Variants in KSR1 observed in about 807,000 individuals in gnomAD.
KSR1 encodes kinase suppressor of ras 1.
In KSR1, 35 loss-of-function variants were observed where a neutral mutation model predicts 92.9. That is an observed-to-expected ratio of 0.38 (90% CI 0.29 to 0.50). KSR1 has a LOEUF of 0.50. KSR1 is among the 20% of genes least tolerant of loss of function. The probability of loss-of-function intolerance (pLI) is 0.94; values close to 1 mark genes in which losing one functional copy is unlikely to be tolerated. For missense variants in KSR1, 972 were observed against 1,158.5 expected, an observed-to-expected ratio of 0.84 and a Z score of 2.34; for synonymous variants, 467 against 472.6, an observed-to-expected ratio of 0.99 and a Z score of 0.15.
intron 1 of KSR1, among the ~76,000 whole-genome samples, chr17:27,470,571 T>G (rs923591133): frequency 2.6e-5 from 4 of 152,096 alleles, no homozygotes; most frequent in Non-Finnish European, 5.9e-5. Context: ...AGACAGGGTT[T>G]CACCATATTG....
chr17:27,499,693 C>T (rs974016536), intron 1 of KSR1, among the ~76,000 whole-genome samples: 1 of 152,228 alleles, frequency 6.6e-6, no homozygotes, highest in African/African-American at 2.4e-5. Context: ...ATGTCATCTT[C>T]ATGTGCTCCC....
At chr17:27,601,225 G>C (rs527895703) in intron 10 of KSR1, 135 bp from the exon 11 acceptor site, 39 of 722,766 alleles carry the variant, frequency 5.4e-5, no homozygotes, top group African/African-American at 2.5e-4. Flanking sequence ...GCCTGTCCTT[G>C]CCAGGTCCAT....
At chr17:27,578,254 G>GA (rs1201675456) in intron 3 of KSR1, 4 of 156,694 alleles carry the variant, frequency 2.6e-5, no homozygotes, top group African/African-American at 9.6e-5. Flanking sequence ...TAAGCCTCAT[G>GA]AATGGAATCA....
At chr17:27,495,055 C>T (rs1490884157) in intron 1 of KSR1, among the ~76,000 whole-genome samples, 2 of 152,226 alleles carry the variant, frequency 1.3e-5, no homozygotes, top group East Asian at 1.9e-4. Flanking sequence ...GGCTCTGCTT[C>T]AGGTGTGCAG....
chr17:27,588,786 C>T (rs1293394269), intron 6 of KSR1, among the ~76,000 whole-genome samples: 1 of 152,208 alleles, frequency 6.6e-6, no homozygotes, highest in Non-Finnish European at 1.5e-5. Flanking sequence ...CACTTTCCTT[C>T]TTTCCCAGGA....
At chr17:27,493,978 C>T (rs2068902117) in intron 1 of KSR1, among the ~76,000 whole-genome samples, 2 of 152,138 alleles carry the variant, frequency 1.3e-5, no homozygotes, top group Non-Finnish European at 1.5e-5. Context: ...ACCACTTCTT[C>T]CTCTCTCTGG....
intron 2 of KSR1, among the ~76,000 whole-genome samples, chr17:27,556,327 G>A (rs535262042): frequency 7.2e-5 from 11 of 152,040 alleles, no homozygotes; most frequent in African/African-American, 1.9e-4. Flanking sequence ...CGATCCTCCC[G>A]CCTCACTTCC....
At chr17:27,462,916 A>T (rs1165762911) in intron 1 of KSR1, among the ~76,000 whole-genome samples, 14 of 152,228 alleles carry the variant, frequency 9.2e-5, no homozygotes. Flanking sequence ...ACATATACAT[A>T]TGCATCAGCA....
At chr17:27,557,944 G>A (rs927527130) in intron 2 of KSR1, 8 of 152,596 alleles carry the variant, frequency 5.2e-5, no homozygotes, top group Admixed American at 4.6e-4. Flanking sequence ...ATCATGGGGT[G>A]ATGTTTTTAC....
At chr17:27,606,059 TGC>T (rs1468234339) in intron 14 of KSR1, among the ~76,000 whole-genome samples, 1 of 152,188 alleles carries the variant, frequency 6.6e-6, no homozygotes, top group Non-Finnish European at 1.5e-5. Context: ...GTGGAAGGAT[TGC>T]TTGAGCCCAG....
At chr17:27,457,501 C>T (rs1271065589) in intron 1 of KSR1, among the ~76,000 whole-genome samples, 6 of 152,212 alleles carry the variant, frequency 3.9e-5, no homozygotes, top group Non-Finnish European at 8.8e-5. Flanking sequence ...CCCCCTGCTT[C>T]CCCCCAAAGA....
At chr17:27,582,328 C>G (rs1397138610) in intron 3 of KSR1, among the ~76,000 whole-genome samples, 2 of 152,208 alleles carry the variant, frequency 1.3e-5, no homozygotes, top group Non-Finnish European at 2.9e-5. Context: ...ATCCAGAGTG[C>G]TCCCATGAGC....
intron 1 of KSR1, among the ~76,000 whole-genome samples, chr17:27,523,935 C>T (rs1053854061): frequency 1.2e-4 from 19 of 152,100 alleles, no homozygotes; most frequent in African/African-American, 3.4e-4. Context: ...AGGATGGAAA[C>T]GGGCCAGCTA....
In KSR1 at chr17:27,586,332, T is replaced by C. The variant is rs551464403; in HGVS notation, c.985+671T>C. 3.9e-5 allele frequency among the ~76,000 whole-genome samples: 6 copies of C among 152,286 alleles called. No individual in the cohort carries two copies. The South Asian group carries it at 6.2e-4, about 16-fold the overall frequency. On this transcript the variant is annotated intron_variant, in intron 5 of 20. Coordinates refer to ENST00000644974, the MANE Select transcript of KSR1 (RefSeq NM_001394583.1). ...TGCCTCTGGAGTCTGCTTTTAATTG[T>C]CTGGAAATGCAGAGATGTCTGGTTT...
chr17:27,457,635 CCT>C (rs1228089680), intron 1 of KSR1, among the ~76,000 whole-genome samples: 3 of 152,012 alleles, frequency 2.0e-5, no homozygotes, highest in Non-Finnish European at 4.4e-5. Context: ...TGCGGGCCTT[CCT>C]CTCTCAAATT....
chr17:27,508,817 C>T (rs1485449141), intron 1 of KSR1, among the ~76,000 whole-genome samples: 5 of 151,772 alleles, frequency 3.3e-5, no homozygotes. Context: ...GTAACCTCCA[C>T]CTCCCGGGTT....
At chr17:27,501,658 C>G (rs1597893150) in intron 1 of KSR1, among the ~76,000 whole-genome samples, 1 of 152,324 alleles carries the variant, frequency 6.6e-6, no homozygotes, top group African/African-American at 2.4e-5. Context: ...GCCACCACGC[C>G]TGGCTAATTT....
intron 10 of KSR1, 64 bp downstream of exon 10, chr17:27,597,500 C>A: frequency 6.7e-7 from 1 of 1,496,562 alleles, no homozygotes; most frequent in Non-Finnish European, 9.0e-7. Flanking sequence ...CTCAGCAGAC[C>A]CAAGTTCGGC....
Position 27,605,478 on chromosome 17 carries a change from G to C in KSR1, c.1659G>C (p.Glu553Asp), listed in dbSNP as rs377739658. ...GCAAGTCAGAGGCAGAAGACGATGA[G>C]GACGAGGTGGACGACTTGCCGAGCT... The part of the protein sequence containing the change: ...EAGKSEAEDD[E>D]DEVDDLPSSR... Residue 553 changes from glutamate to aspartate, a missense_variant, in exon 14 of 21, where the codon GAG becomes GAC. Glu to Asp is a conservative substitution (Grantham distance 45). Around this residue, in one of 5 missense-constraint regions of KSR1, gnomAD observed 611 missense variants for 668.0 expected, o/e 0.91. Coordinates refer to ENST00000644974, the MANE Select transcript of KSR1 (RefSeq NM_001394583.1). 24 of 1,608,224 alleles carry C rather than the reference G, an allele frequency of 1.5e-5. No individual in the cohort carries two copies. The highest frequency in any genetic ancestry group is 1.8e-5 in the Non-Finnish European group (21 of 1,178,212).
Sources: gnomAD v4.1 joint callset for allele counts (sites outside exome capture counted in the v4.1 genomes callset) on GRCh38, gnomAD v4.1.1 for gene constraint, gnomAD v4.1.1 regional missense constraint, MANE v1.5 for transcripts, NCBI Gene and HGNC (gene_info 2026-07-23, HGNC 2026-07-21) for gene names.